SLC16A7: variants seen among roughly 807,000 people sequenced by gnomAD.
SLC16A7 encodes the protein monocarboxylate transporter 2.
A neutral mutation model predicts 34.9 loss-of-function variants in SLC16A7; 33 were observed. The ratio of observed to expected loss-of-function variants is 0.94; its 90% CI spans 0.72 to 1.26. SLC16A7 has a LOEUF of 1.26. Ranked by LOEUF, SLC16A7 falls within the 50% of genes most tolerant of loss-of-function variation. The probability of loss-of-function intolerance (pLI) is 0.00; values close to 1 mark genes in which losing one functional copy is unlikely to be tolerated. For missense variants in SLC16A7, 573 were observed against 578.1 expected (o/e 0.99, Z 0.09); for synonymous variants, 201 against 206.6 (o/e 0.97, Z 0.23).
intron 1 of SLC16A7, among the ~76,000 whole-genome samples, chr12:59,599,916 A>G (rs777623555): frequency 1.3e-5 from 2 of 152,222 alleles, no homozygotes; most frequent in East Asian, 3.9e-4. Context: ...CTTTGAGAGT[A>G]GATGGTATAT....
intron 1 of SLC16A7, among the ~76,000 whole-genome samples, chr12:59,631,450 T>C (rs1270503731): frequency 6.6e-6 from 1 of 151,986 alleles, no homozygotes; most frequent in Non-Finnish European, 1.5e-5. Flanking sequence ...CAGGAAATAT[T>C]ATGGTTCATG....
chr12:59,616,574 C>T (rs937876864), intron 1 of SLC16A7, among the ~76,000 whole-genome samples: 3 of 152,020 alleles, frequency 2.0e-5, no homozygotes, highest in Non-Finnish European at 4.4e-5. Context: ...TTCAGTTGTG[C>T]AAAAATAGGC....
chr12:59,627,610 A>G (rs1311033080), intron 1 of SLC16A7, among the ~76,000 whole-genome samples: 2 of 151,882 alleles, frequency 1.3e-5, no homozygotes, highest in East Asian at 3.9e-4. Flanking sequence ...GGATAAATCC[A>G]TCATATTTAC....
At chr12:59,640,555 C>T (rs901279981) in intron 1 of SLC16A7, among the ~76,000 whole-genome samples, 2 of 151,988 alleles carry the variant, frequency 1.3e-5, no homozygotes, top group Non-Finnish European at 2.9e-5. Context: ...AAAATAGTCT[C>T]GAATTCTGTC....
chr12:59,598,504 C>G (rs770719607), intron 1 of SLC16A7, among the ~76,000 whole-genome samples: 9 of 151,784 alleles, frequency 5.9e-5, no homozygotes, highest in Non-Finnish European at 1.3e-4. Flanking sequence ...TTTTTCTCCT[C>G]TTGATGGAAG....
chr12:59,722,542 G>T (rs1875731592), intron 3 of SLC16A7, among the ~76,000 whole-genome samples: 1 of 151,780 alleles, frequency 6.6e-6, no homozygotes, highest in South Asian at 2.1e-4. Context: ...CCTCCCTTTT[G>T]CTCACTCTGC....
In SLC16A7 at chr12:59,784,241, T is replaced by G. The variant is rs1047893254; in HGVS notation, c.*4562T>G. On this transcript the variant is annotated 3_prime_UTR_variant, in exon 6 of 6. Coordinates refer to ENST00000547379, the MANE Select transcript of SLC16A7 (RefSeq NM_001270623.2). ...AAATAATTACCTGGATGTGGTGATG[T>G]GCACCTGTAGTCCCAGCTACTCGGG... 1.3e-5 allele frequency: 2 copies of G among 152,086 alleles called. No individual in the cohort carries two copies. The highest frequency in any genetic ancestry group is 2.9e-5 in the Non-Finnish European group (2 of 68,018). The allele number at this position is 152,086 out of a possible 1,614,324, so 9.4% of individuals were successfully genotyped here. A position where few individuals can be genotyped will look rare whatever the true frequency, so the allele number is the denominator to read the frequency against.
chr12:59,702,591 G>C (rs908175185), intron 2 of SLC16A7, among the ~76,000 whole-genome samples: 1 of 152,000 alleles, frequency 6.6e-6, no homozygotes, highest in African/African-American at 2.4e-5. Context: ...TTAATTGTTT[G>C]TGGTTAAAGC....
chr12:59,662,219 C>A (rs969263247), intron 2 of SLC16A7, among the ~76,000 whole-genome samples: 1 of 151,952 alleles, frequency 6.6e-6, no homozygotes, highest in African/African-American at 2.4e-5. Flanking sequence ...CAGTTTTACT[C>A]CTCAGTTACA....
Position 59,690,055 on chromosome 12 carries a change from A to C in SLC16A7, c.-30-14717A>C, listed in dbSNP as rs181035023. Among the ~76,000 whole-genome samples, 564 of 152,068 alleles carry C rather than the reference A, an allele frequency of 3.7e-3. 3 individuals are homozygous for C. Among genetic ancestry groups the C allele is most frequent in the Middle Eastern group, 0.014 (4 of 292 alleles). ...TTCCTAGAAAGGATTCTGTGGCTTT[A>C]AAAGCTTTAGAAGGAGAAAAACAAA... On this transcript the variant is annotated intron_variant, in intron 2 of 5. Transcript: ENST00000547379.
rs1229371339 is a variant in SLC16A7 at position 59,771,627 on chromosome 12, C to T, written c.361+265C>T. Among the ~76,000 whole-genome samples the T allele has an allele frequency of 1.3e-5, 2 of 151,922 alleles. 1 individual carries two copies. The highest frequency in any genetic ancestry group is 1.3e-4 in the Admixed American group (2 of 15,228). The stretch of plus-strand genomic sequence containing the variant: ...AAAACAGCTTTAGTTTGCTTTTTTT[C>T]CTTTTTTGCTTTTTTCTCTTCAGCC... On this transcript the variant is annotated intron_variant, in intron 4 of 5. Coordinates refer to ENST00000547379, the MANE Select transcript of SLC16A7 (RefSeq NM_001270623.2).
chr12:59,700,994 G>A (rs1286428951), intron 2 of SLC16A7, among the ~76,000 whole-genome samples: 2 of 151,540 alleles, frequency 1.3e-5, no homozygotes, highest in Non-Finnish European at 3.0e-5. Context: ...AGATGAGATC[G>A]TCATGCAAAG....
At chr12:59,645,881 A>C (rs142785290) in intron 1 of SLC16A7, among the ~76,000 whole-genome samples, 1 of 152,084 alleles carries the variant, frequency 6.6e-6, no homozygotes, top group African/African-American at 2.4e-5. Context: ...TCAGATGGAG[A>C]TGAGGAACTT....
rs150019652 is a variant in SLC16A7 at position 59,706,646 on chromosome 12, T to C, written c.217+1628T>C. On this transcript the variant is annotated intron_variant, in intron 3 of 5. Transcript: ENST00000547379. ...TTGTGACCATAGAAACAGTAGGTATTGTAGAGTAGATATTCCTGTATCCTG... is the reference window on the plus strand; with the variant it reads ...TTGTGACCATAGAAACAGTAGGTATCGTAGAGTAGATATTCCTGTATCCTG... Among the ~76,000 whole-genome samples, 9 of 152,228 alleles carry C rather than the reference T, an allele frequency of 5.9e-5. No homozygotes were observed. The East Asian group carries it at 1.7e-3, about 29-fold the overall frequency.
At chr12:59,623,496 G>T (rs1238356428) in intron 1 of SLC16A7, among the ~76,000 whole-genome samples, 1 of 151,418 alleles carries the variant, frequency 6.6e-6, no homozygotes, top group Non-Finnish European at 1.5e-5. Context: ...ATATAAATTT[G>T]ATATATTTTG....
chr12:59,614,942 G>A (rs780410682), intron 1 of SLC16A7, among the ~76,000 whole-genome samples: 1 of 150,908 alleles, frequency 6.6e-6, no homozygotes, highest in Non-Finnish European at 1.5e-5. Flanking sequence ...GGTGGAGTTT[G>A]CAGTGAGCCG....
At chr12:59,720,123 C>T (rs765383599) in intron 3 of SLC16A7, 8 of 697,230 alleles carry the variant, frequency 1.1e-5, no homozygotes, top group South Asian at 4.5e-5. Flanking sequence ...AGTTGATTGA[C>T]GTGTTATTAT....
intron 1 of SLC16A7, among the ~76,000 whole-genome samples, chr12:59,608,819 C>T (rs924699975): frequency 2.0e-5 from 3 of 152,096 alleles, no homozygotes; most frequent in African/African-American, 4.8e-5. Context: ...AATCCGTTAT[C>T]TACATTTATT....
intron 3 of SLC16A7, chr12:59,768,934 G>C (rs1881956107): frequency 6.6e-6 from 1 of 152,224 alleles, no homozygotes; most frequent in African/African-American, 2.4e-5. Context: ...GGGGGTCAAG[G>C]CTTCAGTGAG....
Sources: allele counts gnomAD v4.1 joint callset (sites outside exome capture counted in the v4.1 genomes callset), GRCh38; gene constraint gnomAD v4.1.1; transcripts MANE v1.5; gene names NCBI Gene and HGNC (gene_info 2026-07-23, HGNC 2026-07-21).